DES: variants seen among roughly 807,000 people sequenced by gnomAD.
DES encodes the protein cardiomyopathy, dilated 1F (autosomal dominant).
DES carries 34 observed loss-of-function variants against 55.1 expected under a neutral mutation model. The ratio of observed to expected loss-of-function variants is 0.62; its 90% CI spans 0.47 to 0.82. DES has a LOEUF of 0.82. DES is among the 40% of genes least tolerant of loss of function. The pLI is 0.00. For missense variants in DES, 596 were observed against 645.9 expected (o/e 0.92, Z 0.84); for synonymous variants, 259 against 270.8 (o/e 0.96, Z 0.43).
intron 7 of DES, among the ~76,000 whole-genome samples, chr2:219,424,818 G>A (rs142737661): frequency 1.0e-3 from 156 of 152,354 alleles, no homozygotes; most frequent in African/African-American, 3.6e-3. Context: ...GGCACAGAAT[G>A]GCAAGTGACT....
In DES at chr2:219,425,645, C is replaced by T. The variant is rs367712053; in HGVS notation, c.1289-18C>T. The T allele has an allele frequency of 7.5e-5, 117 of 1,557,838 alleles. No individual in the cohort carries two copies. Among genetic ancestry groups the T allele is most frequent in the Non-Finnish European group, 9.4e-5 (108 of 1,150,046 alleles). The stretch of plus-strand genomic sequence containing the variant: ...CCTGGACTTGGTCAGGCTGAGTGTG[C>T]GATGGACCCTGTTACAGAAACCAGC... On this transcript the variant is annotated intron_variant, in intron 7 of 8. Transcript: ENST00000373960.
In DES at chr2:219,424,699, T is replaced by C. The variant is rs372249976; in HGVS notation, c.1288+879T>C. ...TATGAGTCTTGCATTTAAAACTTCA[T>C]AGTACAAAAAACTCCACCCACATTG... On this transcript the variant is annotated intron_variant, in intron 7 of 8. Coordinates refer to ENST00000373960, the MANE Select transcript of DES (RefSeq NM_001927.4). Among the ~76,000 whole-genome samples the C allele has an allele frequency of 1.7e-3, 259 of 152,308 alleles. 1 individual carries two copies. The highest frequency in any genetic ancestry group is 5.2e-3 in the African/African-American group (218 of 41,566).
intron 8 of DES, 68 bp downstream of exon 8, chr2:219,425,813 C>T: frequency 1.2e-6 from 2 of 1,601,990 alleles, no homozygotes; most frequent in Middle Eastern, 1.7e-4. Context: ...GACTGTCTTC[C>T]ACCCAGCTGT....
rs369906961 is a variant in DES, at chr2:219,419,519, T to TG, written c.578+485dup. Among the ~76,000 whole-genome samples, 1,476 of 47,074 alleles carry TG rather than the reference T, an allele frequency of 0.031. 32 individuals carry two copies. The highest frequency in any genetic ancestry group is 0.091 in the African/African-American group (1,250 of 13,788). The allele number at this position is 47,074 out of a possible 152,430, so 30.9% of individuals were successfully genotyped here. A position where few individuals can be genotyped will look rare whatever the true frequency, so the allele number is the denominator to read the frequency against. On this transcript the variant is annotated intron_variant, in intron 1 of 8. Transcript: ENST00000373960. This position sits in a 1 kb window ranked among gnomAD's most constrained non-coding sequence, Gnocchi z 4.3. ...AGCTGTGATGAGGCCCTGGGGGAGG[T>TG]GGGGGGAGGGGGGAGCTTGGCCCTG...
In DES at chr2:219,418,712, G is replaced by A. The variant is rs200545412; in HGVS notation, c.250G>A (p.Gly84Ser). 1.0e-4 allele frequency: 156 copies of A among 1,564,974 alleles called. 1 individual carries two copies. The highest frequency in any genetic ancestry group is 1.7e-4 in the Middle Eastern group (1 of 6,008). ...GACCACCCGCACGCCCTCCTCCTAC[G>A]GCGCAGGCGAGCTGCTGGACTTCTC... is the stretch of plus-strand genomic sequence containing the variant. Reference protein sequence around the residue: ...LGTTRTPSSYGAGELLDFSLA... With the variant: ...LGTTRTPSSYSAGELLDFSLA... The change falls in exon 1 of 9, where the codon GGC (glycine) becomes AGC (serine). Residue 84 changes from glycine to serine, a missense_variant. Transcript: ENST00000373960.
intron 6 of DES, 117 bp downstream of exon 6, chr2:219,421,677 T>G: frequency 2.0e-6 from 2 of 1,006,876 alleles, no homozygotes; most frequent in South Asian, 1.7e-5. Context: ...CAATTTTTTT[T>G]TTTTTTGAGA....
In DES at chr2:219,420,301, A is replaced by G. The variant is rs142145822; in HGVS notation, c.690A>G (p.Glu230=). Reference sequence around the variant, plus strand: ...GCATTGACCTGGAGCGCAGAATTGAATCTCTCAACGAGGAGATCGCGTTCC... The same window carrying G: ...GCATTGACCTGGAGCGCAGAATTGAGTCTCTCAACGAGGAGATCGCGTTCC... The part of the protein sequence containing the change: ...LARIDLERRI[E]SLNEEIAFLK... Residue 230 remains glutamate, a synonymous_variant, in exon 3 of 9, where the codon GAA becomes GAG. Coordinates refer to ENST00000373960, the MANE Select transcript of DES (RefSeq NM_001927.4). The surrounding 1 kb of genome is among the most constrained non-coding windows in gnomAD (Gnocchi z 6.0). The G allele has an allele frequency of 1.9e-5, 31 of 1,614,140 alleles. No homozygotes were observed. In the East Asian group the frequency reaches 6.7e-4, roughly 35 times the overall value.
At chr2:219,421,651 C>A in intron 6 of DES, 91 bp downstream of exon 6, 2 of 1,203,034 alleles carry the variant, frequency 1.7e-6, no homozygotes, top group Non-Finnish European at 2.3e-6. Flanking sequence ...CTGATTACCT[C>A]AACAAGACCT....
chr2:219,426,267 G>A lies in DES; in HGVS notation c.*277G>A. The A allele has an allele frequency of 1.7e-6, 1 of 591,226 alleles. No homozygotes were observed. Among genetic ancestry groups the A allele is most frequent in the East Asian group, 2.9e-5 (1 of 34,312 alleles). 36.6% of individuals were successfully genotyped at this position (591,226 alleles called of 1,614,324 possible). A position where few individuals can be genotyped will look rare whatever the true frequency, so the allele number is the denominator to read the frequency against. ...TGGCTCTTGTGCTGGATGGAGCCCAGGCGGGAGCGGTGGCCCTGTCCCTCC... is the reference window on the plus strand; with the variant it reads ...TGGCTCTTGTGCTGGATGGAGCCCAAGCGGGAGCGGTGGCCCTGTCCCTCC... On this transcript the variant is annotated 3_prime_UTR_variant, in exon 9 of 9. Coordinates refer to ENST00000373960, the MANE Select transcript of DES (RefSeq NM_001927.4). The surrounding 1 kb of genome is among the most constrained non-coding windows in gnomAD (Gnocchi z 4.5).
In DES at chr2:219,418,827, A is replaced by T. The variant is rs1400593451; in HGVS notation, c.365A>T (p.Tyr122Phe). Residue 122 changes from tyrosine to phenylalanine, a missense_variant, in exon 1 of 9, where the codon TAC (tyrosine) becomes TTC (phenylalanine). Tyr to Phe is a conservative substitution (Grantham distance 22). Coordinates refer to ENST00000373960, the MANE Select transcript of DES (RefSeq NM_001927.4). ...LQELNDRFAN[Y>F]IEKVRFLEQQ... is the part of the protein sequence containing the mutation. ...GAGCTCAATGACCGCTTCGCCAACT[A>T]CATCGAGAAGGTGCGCTTCCTGGAG... 1.9e-6 allele frequency: 3 copies of T among 1,581,716 alleles called. No homozygotes were observed. In the Admixed American group the frequency reaches 5.5e-5, roughly 29 times the overall value.
In DES at chr2:219,421,420, G is replaced by A. The variant is rs1058284; in HGVS notation, c.1104G>A (p.Ala368=). ...SEASGYQDNI[A]RLEEEIRHLK... The stretch of plus-strand genomic sequence containing the variant: ...CCAGTGGCTACCAGGACAACATTGC[G>A]CGCCTGGAGGAGGAAATCCGGCACC... Residue 368 remains alanine, a synonymous_variant, in exon 6 of 9, where the codon GCG becomes GCA. Transcript: ENST00000373960. The A allele has an allele frequency of 0.34, 554,753 of 1,613,624 alleles. 97,240 individuals carry two copies. Among genetic ancestry groups the A allele is most frequent in the African/African-American group, 0.44 (32,688 of 74,834 alleles).
chr2:219,419,021 C>G lies in DES; in HGVS notation c.559C>G (p.Leu187Val). ...CGAGCGCGACAACCTGCTCGACGAC[C>G]TGCAGCGGCTCAAGGCCAAGTGAGG... ...DVERDNLLDD[L>V]QRLKAKLQEE... Residue 187 changes from leucine (L) to valine (V), a missense_variant, in exon 1 of 9, where the codon CTG becomes GTG. Physicochemically the swap from Leu to Val is conservative, Grantham distance 32 (BLOSUM62 1). Coordinates refer to ENST00000373960, the MANE Select transcript of DES (RefSeq NM_001927.4). The surrounding 1 kb of genome is among the most constrained non-coding windows in gnomAD (Gnocchi z 4.3). 5 of 1,543,478 alleles carry G rather than the reference C, an allele frequency of 3.2e-6. No homozygotes were observed. The highest frequency in any genetic ancestry group is 4.4e-6 in the Non-Finnish European group (5 of 1,147,138).
At position 219,421,532 on chromosome 2, in the gene DES, C is replaced by A; in HGVS notation, c.1216C>A (p.Arg406=). 2.5e-6 allele frequency: 4 copies of A among 1,614,020 alleles called. No individual in the cohort carries two copies. Among genetic ancestry groups the A allele is most frequent in the Non-Finnish European group, 3.4e-6 (4 of 1,180,004 alleles). The change falls in exon 6 of 9, where the codon CGG becomes AGG. Residue 406 remains arginine, a synonymous_variant. Transcript: ENST00000373960. ...CCTGGATGTGGAGATTGCCACCTACCGGAAGCTGCTGGAGGGAGAGGAGAG... is the reference window on the plus strand; with the variant it reads ...CCTGGATGTGGAGATTGCCACCTACAGGAAGCTGCTGGAGGGAGAGGAGAG... ...MALDVEIATY[R]KLLEGEESRI...
rs772117708 is a variant in DES, at chr2:219,420,501, C to T, written c.742C>T (p.Arg248Cys). 7.4e-6 allele frequency: 12 copies of T among 1,613,902 alleles called. No individual in the cohort carries two copies. The highest frequency in any genetic ancestry group is 1.7e-5 in the Admixed American group (1 of 59,994). The change falls in exon 4 of 9, where the codon CGT becomes TGT. Residue 248 changes from arginine (R) to cysteine (C), a missense_variant. By Grantham distance (180) the Arg-to-Cys change is radical (BLOSUM62 -3). Coordinates refer to ENST00000373960, the MANE Select transcript of DES (RefSeq NM_001927.4). The surrounding 1 kb of genome is among the most constrained non-coding windows in gnomAD (Gnocchi z 6.0). ...GCCCAGTCATGCCCTACAGGAGATC[C>T]GTGAGTTGCAGGCTCAGCTTCAGGA... The part of the protein sequence containing the change: ...FLKKVHEEEI[R>C]ELQAQLQEQQ...
chr2:219,419,752 A>G lies in DES; in HGVS notation c.579-343A>G, dbSNP rs1433502563. 6.6e-6 allele frequency among the ~76,000 whole-genome samples: 1 copy of G among 152,210 alleles called. No homozygotes were observed. The highest frequency in any genetic ancestry group is 1.5e-5 in the Non-Finnish European group (1 of 68,032). ...TGAGCACAGTCACCCTCCTGCCACC[A>G]AAGTCATAAATATTAATTGAGCAGC... On this transcript the variant is annotated intron_variant, in intron 1 of 8. Coordinates refer to ENST00000373960, the MANE Select transcript of DES (RefSeq NM_001927.4). This position sits in a 1 kb window ranked among gnomAD's most constrained non-coding sequence, Gnocchi z 4.3.
intron 7 of DES, 60 bp from the exon 8 acceptor site, chr2:219,425,603 C>G: frequency 6.8e-7 from 1 of 1,477,474 alleles, no homozygotes; most frequent in Non-Finnish European, 9.3e-7. Context: ...GGACTCCCAG[C>G]CCCTGGTATA....
chr2:219,418,510 C>A lies in DES; in HGVS notation c.48C>A (p.Arg16=). The change falls in exon 1 of 9, where the codon CGC becomes CGA. Residue 16 remains arginine, a synonymous_variant. Coordinates refer to ENST00000373960, the MANE Select transcript of DES (RefSeq NM_001927.4). ...GCCAGCGCGTGTCCTCCTACCGCCG[C>A]ACCTTCGGCGGGGCCCCGGGCTTCC... The part of the protein sequence containing the change: ...SSSQRVSSYR[R]TFGGAPGFPL... 6.2e-7 allele frequency: 1 copy of A among 1,603,618 alleles called. No individual in the cohort carries two copies. Among genetic ancestry groups the A allele is most frequent in the Non-Finnish European group, 8.5e-7 (1 of 1,176,922 alleles).
chr2:219,421,254 C>T (rs1370449087), intron 5 of DES, 86 bp from the exon 6 acceptor site: 1 of 1,443,082 alleles, frequency 6.9e-7, no homozygotes, highest in Middle Eastern at 2.0e-4. Context: ...ACCTGACCAT[C>T]TGGAGTTGCC....
intron 6 of DES, among the ~76,000 whole-genome samples, chr2:219,422,365 C>T (rs531185609): frequency 1.4e-4 from 22 of 151,916 alleles, no homozygotes; most frequent in Admixed American, 8.5e-4. Context: ...AAGACACAGA[C>T]GTCATGCTCA....
Sources: gnomAD v4.1 joint callset for allele counts (sites outside exome capture counted in the v4.1 genomes callset) on GRCh38, gnomAD v4.1.1 for gene constraint, Gnocchi (gnomAD v3.1) non-coding constraint, MANE v1.5 for transcripts, NCBI Gene and HGNC (gene_info 2026-07-23, HGNC 2026-07-21) for gene names.